UBXN2A: variants seen among roughly 807,000 people sequenced by gnomAD.
UBXN2A encodes UBX domain-containing protein 2A.
Under a neutral mutation model 28.4 loss-of-function variants are expected in UBXN2A, and 28 were observed. The observed-to-expected ratio is 0.99, with a 90% CI of 0.73 to 1.35. The LOEUF is 1.35. Among genes scored for constraint, UBXN2A ranks in the 40% most tolerant of loss-of-function variants. The pLI is 0.00. For synonymous variants in UBXN2A, 97 were observed against 103.6 expected, an observed-to-expected ratio of 0.94 and a Z score of 0.39; for missense variants, 253 against 297.9, an observed-to-expected ratio of 0.85 and a Z score of 1.11.
chr2:23,983,601 C>T (rs1708005548), intron 5 of UBXN2A, among the ~76,000 whole-genome samples: 1 of 152,154 alleles, frequency 6.6e-6, no homozygotes, highest in African/African-American at 2.4e-5. Flanking sequence ...TTATTAAGGA[C>T]AGAATTCAAT....
chr2:23,930,216 G>A (rs1705327622), intron 1 of UBXN2A, among the ~76,000 whole-genome samples: 1 of 152,128 alleles, frequency 6.6e-6, no homozygotes, highest in African/African-American at 2.4e-5. Flanking sequence ...AAATCCAACT[G>A]AGCTTGAGCC....
rs183610040 is a variant in UBXN2A at position 24,004,810 on chromosome 2, C to G, written c.*4943C>G. The G allele has an allele frequency of 1.3e-5, 2 of 152,184 alleles. No homozygotes were observed. Among genetic ancestry groups the G allele is most frequent in the African/African-American group, 4.8e-5 (2 of 41,518 alleles). The allele number at this position is 152,184 out of a possible 1,614,324, so 9.4% of individuals were successfully genotyped here. On this transcript the variant is annotated 3_prime_UTR_variant, in exon 7 of 7. Transcript: ENST00000309033. ...TTTCAGCATGTTGATAATATGTGTG[C>G]ATCTATTTCAGTGCCTTAAAGTATT...
At chr2:23,945,524 C>G (rs1706026916) in intron 1 of UBXN2A, among the ~76,000 whole-genome samples, 1 of 152,146 alleles carries the variant, frequency 6.6e-6, no homozygotes, top group Non-Finnish European at 1.5e-5. Flanking sequence ...CATAGAAGAT[C>G]TAAGTAAAAG....
chr2:23,999,708 AG>A lies in UBXN2A; in HGVS notation c.623del (p.Gly208AspfsTer20). ...TCAAAGACTTCATTGAAAAATACCA[AG>A]GATCTCAAAGAAGTCCTCCGTTTTC... Reference protein sequence around the residue: ...HIKDFIEKYQGSQRSPPFSLA... With the variant: ...HIKDFIEKYQXSQRSPPFSLA... On this transcript the variant is annotated frameshift_variant, in exon 7 of 7. Transcript: ENST00000309033. LOFTEE classifies it high-confidence loss of function. 1 of 1,614,090 alleles carries A rather than the reference AG, an allele frequency of 6.2e-7. No individual in the cohort carries two copies. Among genetic ancestry groups the A allele is most frequent in the Non-Finnish European group, 8.5e-7 (1 of 1,180,014 alleles).
chr2:23,987,846 A>G (rs948600892), intron 6 of UBXN2A, among the ~76,000 whole-genome samples: 5 of 148,088 alleles, frequency 3.4e-5, no homozygotes, highest in African/African-American at 7.5e-5. Context: ...TTTCTTGGCC[A>G]GGTGCAGTGG....
chr2:23,960,885 T>G (rs914184923), intron 2 of UBXN2A, among the ~76,000 whole-genome samples: 3 of 152,204 alleles, frequency 2.0e-5, no homozygotes, highest in Non-Finnish European at 1.5e-5. Context: ...TCTGCCCGCC[T>G]TGGCCTCCCA....
At chr2:23,947,820 TG>T (rs528697435) in intron 1 of UBXN2A, among the ~76,000 whole-genome samples, 216 of 152,262 alleles carry the variant, frequency 1.4e-3, no homozygotes, top group African/African-American at 5.1e-3. Flanking sequence ...CACACATTGG[TG>T]GGTGGTTCAA....
intron 1 of UBXN2A, among the ~76,000 whole-genome samples, chr2:23,954,127 C>T (rs1286809952): frequency 1.3e-5 from 2 of 152,178 alleles, no homozygotes; most frequent in East Asian, 3.8e-4. Flanking sequence ...ATTCTCCTGC[C>T]TCAGCCTCCC....
intron 6 of UBXN2A, among the ~76,000 whole-genome samples, chr2:23,992,222 G>A (rs1263269841): frequency 2.0e-5 from 3 of 151,836 alleles, no homozygotes; most frequent in Admixed American, 1.3e-4. Flanking sequence ...CTCCTGCCTC[G>A]GCCTCCCAAA....
intron 1 of UBXN2A, among the ~76,000 whole-genome samples, chr2:23,934,131 G>A (rs187206534): frequency 2.5e-4 from 38 of 152,112 alleles, no homozygotes; most frequent in African/African-American, 8.2e-4. Context: ...CAGGATAATC[G>A]CTTGAATGCG....
In UBXN2A at chr2:23,979,929, T is replaced by TA. The variant is rs1259881209; in HGVS notation, c.287+2865dup. On this transcript the variant is annotated intron_variant, in intron 4 of 6. Transcript: ENST00000309033. ...TTTTGACTATTTTCTTTTATTTATG[T>TA]AAAAAAAAAAACCCAGCTATGTTTA... 3.4e-3 allele frequency among the ~76,000 whole-genome samples: 503 copies of TA among 145,856 alleles called. 2 individuals carry two copies. The highest frequency in any genetic ancestry group is 4.5e-3 in the Non-Finnish European group (296 of 65,972).
Position 23,999,999 on chromosome 2 carries a change from GAGA to G in UBXN2A, c.*136_*138del. On this transcript the variant is annotated 3_prime_UTR_variant, in exon 7 of 7. Transcript: ENST00000309033. ...GAGTACTATTGAACTCTCTCCTGAT[GAGA>G]AGATGTTTAGATAAGTACAAGTTAA... is the stretch of plus-strand genomic sequence containing the variant. 1 of 798,528 alleles carries G rather than the reference GAGA, an allele frequency of 1.3e-6. No homozygotes were observed. The highest frequency in any genetic ancestry group is 2.0e-6 in the Non-Finnish European group (1 of 507,162). 49.5% of individuals were successfully genotyped at this position (798,528 alleles called of 1,614,324 possible).
upstream of UBXN2A, among the ~76,000 whole-genome samples, chr2:23,938,550 CCTCCCTT>C (rs1260088233): frequency 6.9e-4 from 98 of 142,940 alleles, 2 homozygotes; most frequent in Non-Finnish European, 2.2e-4. Context: ...GTGGCCCCCC[CCTCCCTT>C]TTTTTTTTTT....
At chr2:23,970,931 A>G (rs1040888546) in intron 2 of UBXN2A, among the ~76,000 whole-genome samples, 3 of 152,184 alleles carry the variant, frequency 2.0e-5, no homozygotes, top group Non-Finnish European at 4.4e-5. Context: ...CAGTAAATAC[A>G]GATGAAGCTT....
chr2:23,983,198 TA>T (rs1035234577), intron 5 of UBXN2A, among the ~76,000 whole-genome samples, 165 bp downstream of exon 5: 28 of 152,286 alleles, frequency 1.8e-4, no homozygotes, highest in African/African-American at 6.7e-4. Flanking sequence ...AAGTCATAGT[TA>T]CCTAAGTATA....
chr2:23,977,772 T>C (rs879419593), intron 4 of UBXN2A, among the ~76,000 whole-genome samples: 13 of 152,226 alleles, frequency 8.5e-5, no homozygotes, highest in Admixed American at 3.9e-4. Flanking sequence ...TTCACAGATA[T>C]ACTTTTTCTT....
At chr2:23,940,029 G>C (rs1705667574), upstream of UBXN2A, among the ~76,000 whole-genome samples, 2 of 150,444 alleles carry the variant, frequency 1.3e-5, no homozygotes, top group Admixed American at 1.3e-4. Flanking sequence ...AGAATCGCTC[G>C]AATCCGGGAG....
In UBXN2A at chr2:23,999,863, A is replaced by C. The variant is rs1708676658; in HGVS notation, c.776A>C (p.His259Pro). Residue 259 changes from histidine to proline, a missense_variant, in exon 7 of 7, where the codon CAC (histidine) becomes CCC (proline). Transcript: ENST00000309033. ...GCATCTTTTAGAGAACTTTCAGAGC[A>C]CTGATTTTTGATAGACTAAGTGGAA... is the stretch of plus-strand genomic sequence containing the variant. ...KTASFRELSEH is the reference protein window; with the variant it reads ...KTASFRELSEP 2 of 1,609,884 alleles carry C rather than the reference A, an allele frequency of 1.2e-6. No individual in the cohort carries two copies. Among genetic ancestry groups the C allele is most frequent in the Admixed American group, 3.4e-5 (2 of 58,768 alleles).
upstream of UBXN2A, among the ~76,000 whole-genome samples, chr2:23,938,081 G>A (rs530206303): frequency 6.6e-6 from 1 of 152,250 alleles, no homozygotes; most frequent in African/African-American, 2.4e-5. Context: ...AGGTTGTTAT[G>A]TGGCGCACGA....
Sources: gnomAD v4.1 joint callset for allele counts (sites outside exome capture counted in the v4.1 genomes callset) on GRCh38, gnomAD v4.1.1 for gene constraint, MANE v1.5 for transcripts, NCBI Gene and HGNC (gene_info 2026-07-23, HGNC 2026-07-21) for gene names.